NIBAN1: variants seen among roughly 807,000 people sequenced by gnomAD.
The protein encoded by NIBAN1 is niban apoptosis regulator 1, also known as protein Niban 1.
NIBAN1 carries 81 observed loss-of-function variants against 75.1 expected under a neutral mutation model. The ratio of observed to expected loss-of-function variants is 1.08; its 90% CI spans 0.90 to 1.30. The LOEUF (loss-of-function observed/expected upper bound fraction) is 1.30. Ranked by LOEUF, NIBAN1 falls within the 50% of genes most tolerant of loss-of-function variation. The pLI is 0.00. For missense variants in NIBAN1, 1,133 were observed against 1,128.1 expected (o/e 1.00, Z -0.06); for synonymous variants, 436 against 424.8 (o/e 1.03, Z -0.32).
rs1653788820 is a variant in NIBAN1 at position 184,794,726 on chromosome 1, C to G, written c.*251G>C. On this transcript the variant is annotated 3_prime_UTR_variant, in exon 14 of 14. Coordinates refer to ENST00000367511, the MANE Select transcript of NIBAN1 (RefSeq NM_052966.4). ...CCTCCTCAGACATCCTCAGCTCCCT[C>G]TCACCCCAAGTATGCCATTGTCTTT... 1 of 563,196 alleles carries G rather than the reference C, an allele frequency of 1.8e-6. No homozygotes were observed. Among genetic ancestry groups the G allele is most frequent in the African/African-American group, 1.9e-5 (1 of 53,126 alleles). The allele number at this position is 563,196 out of a possible 1,614,324, so 34.9% of individuals were successfully genotyped here.
chr1:184,973,294 G>A lies in NIBAN1; in HGVS notation c.55+1008C>T, dbSNP rs146210308. Among the ~76,000 whole-genome samples, 396 of 152,292 alleles carry A rather than the reference G, an allele frequency of 2.6e-3. 15 individuals carry two copies. In the South Asian group the frequency reaches 0.052, roughly 20 times the overall value. On this transcript the variant is annotated intron_variant, in intron 1 of 13. Coordinates refer to ENST00000367511, the MANE Select transcript of NIBAN1 (RefSeq NM_052966.4). ...ATATCTTTTTAAAACGGTCTTAAAT[G>A]TTGTGGTGACTGAAAACAAATGTGG...
At chr1:184,863,996 T>C (rs1378282277) in intron 5 of NIBAN1, among the ~76,000 whole-genome samples, 1 of 152,228 alleles carries the variant, frequency 6.6e-6, no homozygotes, top group Non-Finnish European at 1.5e-5. Flanking sequence ...GTTGCTAGTA[T>C]TGTTACTTTC....
intron 1 of NIBAN1, among the ~76,000 whole-genome samples, chr1:184,928,072 C>T (rs1036825341): frequency 6.6e-6 from 1 of 152,064 alleles, no homozygotes; most frequent in African/African-American, 2.4e-5. Context: ...GTGATGAATC[C>T]AGCCAGAACT....
intron 5 of NIBAN1, among the ~76,000 whole-genome samples, chr1:184,838,396 C>T (rs1312223409): frequency 1.3e-5 from 2 of 152,146 alleles, no homozygotes; most frequent in Admixed American, 1.3e-4. Context: ...AAAACATTCA[C>T]CAGATCAGGA....
At chr1:184,913,137 G>GTATATATATATATATATATTA (rs56098797) in intron 1 of NIBAN1, among the ~76,000 whole-genome samples, 28 of 109,746 alleles carry the variant, frequency 2.6e-4, no homozygotes, top group Admixed American at 1.5e-3. Flanking sequence ...TATCATGCAG[G>GTATATATATATATATATATTA]TATATATATA....
At position 184,942,693 on chromosome 1, in the gene NIBAN1, CAAAAAAAAAA is replaced by C. The variant is rs1235041623; in HGVS notation, c.55+31599_55+31608del. 7.2e-3 allele frequency among the ~76,000 whole-genome samples: 563 copies of C among 78,382 alleles called. 7 individuals are homozygous for C. Among genetic ancestry groups the C allele is most frequent in the African/African-American group, 0.024 (528 of 21,726 alleles). The allele number at this position is 78,382 out of a possible 152,430, so 51.4% of individuals were successfully genotyped here. A position where few individuals can be genotyped will look rare whatever the true frequency, so the allele number is the denominator to read the frequency against. ...TGGGCGACAGAGCGAGACTCCGTCTCAAAAAAAAAAAAAAAAAAAAAAGAATCAGGTTCCT... is the reference window on the plus strand; with the variant it reads ...TGGGCGACAGAGCGAGACTCCGTCTCAAAAAAAAAAAAGAATCAGGTTCCT... On this transcript the variant is annotated intron_variant, in intron 1 of 13. Coordinates refer to ENST00000367511, the MANE Select transcript of NIBAN1 (RefSeq NM_052966.4).
chr1:184,951,750 T>C (rs1658363703), intron 1 of NIBAN1, among the ~76,000 whole-genome samples: 1 of 152,080 alleles, frequency 6.6e-6, no homozygotes, highest in South Asian at 2.1e-4. Flanking sequence ...GACTATGGCG[T>C]TCCTCTCCTC....
chr1:184,808,342 A>G, intron 9 of NIBAN1, 107 bp from the exon 10 acceptor site: 4 of 1,127,920 alleles, frequency 3.5e-6, no homozygotes, highest in Non-Finnish European at 5.0e-6. Flanking sequence ...AAGTTGTTAA[A>G]GTGAATCACT....
At chr1:184,945,429 T>C (rs2102055710) in intron 1 of NIBAN1, among the ~76,000 whole-genome samples, 1 of 152,318 alleles carries the variant, frequency 6.6e-6, no homozygotes, top group African/African-American at 2.4e-5. Context: ...GTAAAACAAC[T>C]ATAAATACAG....
intron 1 of NIBAN1, among the ~76,000 whole-genome samples, chr1:184,965,406 C>G (rs1658756477): frequency 6.6e-6 from 1 of 151,994 alleles, no homozygotes; most frequent in African/African-American, 2.4e-5. Context: ...ACCACATTTT[C>G]TTTATTGATG....
chr1:184,914,939 G>A (rs1275207606), intron 1 of NIBAN1, among the ~76,000 whole-genome samples: 1 of 152,108 alleles, frequency 6.6e-6, no homozygotes, highest in Non-Finnish European at 1.5e-5. Flanking sequence ...AGCCAGGATG[G>A]TCTTGATCTC....
chr1:184,889,253 C>T (rs1656607011), intron 4 of NIBAN1, among the ~76,000 whole-genome samples: 1 of 152,144 alleles, frequency 6.6e-6, no homozygotes, highest in South Asian at 2.1e-4. Flanking sequence ...TAGAAAGACC[C>T]TTCTAGGTTT....
Position 184,837,326 on chromosome 1 carries a change from C to T in NIBAN1, c.602-5364G>A, listed in dbSNP as rs1329534017. Reference sequence around the variant, plus strand: ...ATCAGCCCAAACTCTACTCTTCCAGCGTGCTATAATTATGAGAAGGCCTAG... The same window carrying T: ...ATCAGCCCAAACTCTACTCTTCCAGTGTGCTATAATTATGAGAAGGCCTAG... On this transcript the variant is annotated intron_variant, in intron 5 of 13. Coordinates refer to ENST00000367511, the MANE Select transcript of NIBAN1 (RefSeq NM_052966.4). Among the ~76,000 whole-genome samples, 6 of 152,182 alleles carry T rather than the reference C, an allele frequency of 3.9e-5. No homozygotes were observed. In the South Asian group the frequency reaches 1.0e-3, roughly 26 times the overall value.
chr1:184,872,060 G>A (rs1020937222), intron 5 of NIBAN1, among the ~76,000 whole-genome samples: 1 of 151,970 alleles, frequency 6.6e-6, no homozygotes, highest in African/African-American at 2.4e-5. Flanking sequence ...AAGTTAATAA[G>A]GTACCATGAG....
intron 5 of NIBAN1, among the ~76,000 whole-genome samples, chr1:184,867,071 C>T (rs895234644): frequency 2.0e-5 from 3 of 151,844 alleles, no homozygotes; most frequent in Non-Finnish European, 2.9e-5. Flanking sequence ...AGTGCAGTAC[C>T]GATACTAATG....
chr1:184,826,303 A>G (rs1413246675), intron 6 of NIBAN1, among the ~76,000 whole-genome samples: 3 of 152,240 alleles, frequency 2.0e-5, no homozygotes, highest in Non-Finnish European at 4.4e-5. Context: ...CTCTGGGGGC[A>G]GTCAAGAGAT....
chr1:184,810,658 C>A (rs534514591), intron 9 of NIBAN1, among the ~76,000 whole-genome samples: 2 of 152,294 alleles, frequency 1.3e-5, no homozygotes, highest in African/African-American at 4.8e-5. Context: ...GAGTTGTAAC[C>A]AGTCTCACTA....
intron 1 of NIBAN1, among the ~76,000 whole-genome samples, chr1:184,959,121 G>A (rs1361458270): frequency 6.6e-6 from 1 of 152,208 alleles, no homozygotes; most frequent in Admixed American, 6.5e-5. Context: ...GCTTTTTAAA[G>A]GAACATCCAC....
At chr1:184,888,269 C>T (rs1656581112) in intron 4 of NIBAN1, 1 of 152,174 alleles carries the variant, frequency 6.6e-6, no homozygotes. Context: ...CATAAGCATC[C>T]CATCTTTATT....
Sources: gnomAD v4.1 joint callset for allele counts (sites outside exome capture counted in the v4.1 genomes callset) on GRCh38, gnomAD v4.1.1 for gene constraint, MANE v1.5 for transcripts, NCBI Gene and HGNC (gene_info 2026-07-23, HGNC 2026-07-21) for gene names.